Variants in RYR3 observed in about 807,000 individuals in gnomAD.
RYR3 encodes the protein brain ryanodine receptor-calcium release channel.
Under a neutral mutation model 584.3 loss-of-function variants are expected in RYR3, and 207 were observed. That is an observed-to-expected ratio of 0.35 (90% confidence interval 0.32 to 0.40). The LOEUF (loss-of-function observed/expected upper bound fraction) is 0.40. Among genes scored for constraint, RYR3 ranks in the 10% least tolerant of loss-of-function variants. The pLI is 1.00. For synonymous variants in RYR3, 2,416 were observed against 2,248.5 expected, an observed-to-expected ratio of 1.07 and a Z score of -2.11; for missense variants, 5,616 against 6,089.2, an observed-to-expected ratio of 0.92 and a Z score of 2.59.
At chr15:33,819,546 C>T (rs1383505314) in intron 76 of RYR3, among the ~76,000 whole-genome samples, 1 of 151,942 alleles carries the variant, frequency 6.6e-6, no homozygotes, top group Admixed American at 6.6e-5. Flanking sequence ...TGGTGGCAGG[C>T]ACCTGTAATC....
chr15:33,415,995 C>T lies in RYR3; in HGVS notation c.52-57424C>T, dbSNP rs2043787204. 2.6e-5 allele frequency among the ~76,000 whole-genome samples: 4 copies of T among 152,154 alleles called. No individual in the cohort carries two copies. The South Asian group carries it at 8.3e-4, about 32-fold the overall frequency. On this transcript the variant is annotated intron_variant, in intron 1 of 103. Transcript: ENST00000634891. ...TGTGTTAATTCACTTAGGATAATGG[C>T]CTCCAGCTGCATCCATGTTGCTATA...
At chr15:33,629,293 G>A (rs1187392249) in intron 21 of RYR3, among the ~76,000 whole-genome samples, 1 of 152,226 alleles carries the variant, frequency 6.6e-6, no homozygotes, top group Non-Finnish European at 1.5e-5. Context: ...AAAGCCCCGA[G>A]TCACATGTAC....
At chr15:33,602,731 G>GTTTTTTTTTTTTTTTTTTTTTT (rs1567639568) in intron 17 of RYR3, among the ~76,000 whole-genome samples, 1 of 88,022 alleles carries the variant, frequency 1.1e-5, no homozygotes. Flanking sequence ...GCTTTTTCTA[G>GTTTTTTTTTTTTTTTTTTTTTT]TCTTTTTTTT....
intron 1 of RYR3, among the ~76,000 whole-genome samples, chr15:33,452,735 G>A (rs1172683822): frequency 6.6e-6 from 1 of 152,122 alleles, no homozygotes; most frequent in African/African-American, 2.4e-5. Context: ...AAAGTTACAT[G>A]GTGAGGTTCA....
At chr15:33,365,212 C>G (rs1312710196) in intron 1 of RYR3, among the ~76,000 whole-genome samples, 1 of 152,176 alleles carries the variant, frequency 6.6e-6, no homozygotes, top group East Asian at 1.9e-4. Flanking sequence ...TTGGGGGCCA[C>G]AGTGTTTATC....
At chr15:33,734,220 A>G (rs983288591) in intron 48 of RYR3, among the ~76,000 whole-genome samples, 22 of 152,190 alleles carry the variant, frequency 1.4e-4, no homozygotes, top group African/African-American at 5.3e-4. Context: ...TTCATTCAAC[A>G]CAAGATTTTT....
chr15:33,816,679 C>T (rs951674000), intron 74 of RYR3, among the ~76,000 whole-genome samples, 183 bp from the exon 75 acceptor site: 8 of 152,178 alleles, frequency 5.3e-5, no homozygotes, highest in Non-Finnish European at 1.0e-4. Flanking sequence ...ATTCAAGACT[C>T]GTCATGGTAG....
chr15:33,698,067 C>A, intron 40 of RYR3, 71 bp downstream of exon 40: 2 of 1,033,814 alleles, frequency 1.9e-6, no homozygotes, highest in Non-Finnish European at 3.1e-6. Flanking sequence ...TTGTTCAGAG[C>A]CACGTGGCTG....
At chr15:33,634,843 G>A (rs2061427257) in intron 25 of RYR3, 110 bp downstream of exon 25, 1 of 889,304 alleles carries the variant, frequency 1.1e-6, no homozygotes, top group African/African-American at 1.7e-5. Flanking sequence ...ATAGTATTGG[G>A]GCTGAAGAGC....
intron 16 of RYR3, among the ~76,000 whole-genome samples, chr15:33,596,375 C>T (rs2152541684): frequency 6.6e-6 from 1 of 151,542 alleles, no homozygotes; most frequent in South Asian, 2.1e-4. Context: ...TTTTGTTTAC[C>T]TAGATTATTC....
intron 1 of RYR3, among the ~76,000 whole-genome samples, chr15:33,432,797 G>A (rs2045306442): frequency 6.6e-6 from 1 of 151,652 alleles, no homozygotes; most frequent in Non-Finnish European, 1.5e-5. Flanking sequence ...TAGGATTACA[G>A]GCGTGAGGCA....
chr15:33,328,068 G>C (rs752979254), intron 1 of RYR3, among the ~76,000 whole-genome samples: 52 of 152,156 alleles, frequency 3.4e-4, no homozygotes, highest in Non-Finnish European at 5.7e-4. Context: ...GGTTTTTGTT[G>C]CTGTGTTTTC....
At chr15:33,360,125 G>A (rs888128879) in intron 1 of RYR3, among the ~76,000 whole-genome samples, 5 of 151,978 alleles carry the variant, frequency 3.3e-5, no homozygotes, top group South Asian at 2.1e-4. Flanking sequence ...GACTCGTGGC[G>A]GTGCTCCATA....
intron 1 of RYR3, among the ~76,000 whole-genome samples, chr15:33,414,002 A>G (rs2043600734): frequency 6.6e-6 from 1 of 152,232 alleles, no homozygotes. Context: ...CATCTGAGAT[A>G]CATTTAGAAT....
chr15:33,812,890 C>T lies in RYR3; in HGVS notation c.10285C>T (p.Leu3429=), dbSNP rs776985189. ...TGATGACCCAGCTGTAAAATGGCAA[C>T]TGAACCTCTACAAGGATGTTCTGAA... is the stretch of plus-strand genomic sequence containing the variant. The part of the protein sequence containing the change: ...KSDDPAVKWQ[L]NLYKDVLKSE... The change falls in exon 73 of 104, where the codon CTG becomes TTG. Residue 3429 remains leucine (L), a synonymous_variant. Transcript: ENST00000634891. 4 of 1,613,932 alleles carry T rather than the reference C, an allele frequency of 2.5e-6. No homozygotes were observed. The East Asian group carries it at 6.7e-5, about 27-fold the overall frequency.
chr15:33,713,698 G>A (rs78153706), intron 43 of RYR3, among the ~76,000 whole-genome samples: 13,029 of 152,160 alleles, frequency 0.086, 1,237 homozygotes, highest in African/African-American at 0.24. Flanking sequence ...TATAAACAAC[G>A]TAAATTTATC....
intron 2 of RYR3, among the ~76,000 whole-genome samples, chr15:33,489,460 T>C (rs928638024): frequency 3.3e-5 from 5 of 152,224 alleles, no homozygotes; most frequent in Non-Finnish European, 7.3e-5. Flanking sequence ...CATCAAGTAT[T>C]TGATTTGCTT....
At position 33,860,658 on chromosome 15, in the gene RYR3, A is replaced by T. The variant is rs762779460; in HGVS notation, c.14363A>T (p.Glu4788Val). 1.9e-6 allele frequency: 3 copies of T among 1,584,634 alleles called. No homozygotes were observed. The East Asian group carries it at 6.8e-5, about 36-fold the overall frequency. ...CAGGAACAAGTACGAGAAGATATGG[A>T]GGTAATGTTACTCTAACTACTAATC... Reference protein sequence around the residue: ...DQQEQVREDMETKCFICGIGN... With the variant: ...DQQEQVREDMVTKCFICGIGN... The change falls in exon 101 of 104, where the codon GAG (glutamate) becomes GTG (valine). Residue 4788 changes from glutamate to valine, a missense_variant and splice_region_variant. This residue lies in a region of RYR3 where 918 missense variants were observed against 887.4 expected (regional missense o/e 1.03). Coordinates refer to ENST00000634891, the MANE Select transcript of RYR3 (RefSeq NM_001036.6).
chr15:33,578,311 T>C (rs548719811), intron 12 of RYR3, among the ~76,000 whole-genome samples: 1 of 152,300 alleles, frequency 6.6e-6, no homozygotes, highest in Non-Finnish European at 1.5e-5. Context: ...GGTACACATA[T>C]GTTCGCTGAA....
Sources: allele counts gnomAD v4.1 joint callset (sites outside exome capture counted in the v4.1 genomes callset), GRCh38; gene constraint gnomAD v4.1.1; regional missense constraint gnomAD v4.1.1; transcripts MANE v1.5; gene names NCBI Gene and HGNC (gene_info 2026-07-23, HGNC 2026-07-21).